C8orf88: variants seen among roughly 807,000 people sequenced by gnomAD.
C8orf88 encodes the protein uncharacterized protein C8orf88.
Under a neutral mutation model 18.4 loss-of-function variants are expected in C8orf88, and 14 were observed. That is an observed-to-expected ratio of 0.76 (90% CI 0.50 to 1.19). The LOEUF is 1.19. C8orf88 is among the 50% of genes most tolerant of loss of function. The pLI, the probability that C8orf88 is intolerant of heterozygous loss-of-function variation, is 0.00. For synonymous variants in C8orf88, 45 were observed against 42.9 expected (o/e 1.05, Z -0.19); for missense variants, 116 against 134.7 (o/e 0.86, Z 0.69).
At chr8:90,979,239 T>C (rs1811396750) in intron 2 of C8orf88, among the ~76,000 whole-genome samples, 2 of 152,320 alleles carry the variant, frequency 1.3e-5, no homozygotes, top group South Asian at 2.1e-4. Context: ...CATTCTTCCA[T>C]GTAACAACCT....
intron 4 of C8orf88, among the ~76,000 whole-genome samples, chr8:90,967,136 CGTGTT>C (rs371957753): frequency 4.9e-4 from 74 of 151,782 alleles, no homozygotes; most frequent in African/African-American, 1.6e-3. Flanking sequence ...TTCTTGATGG[CGTGTT>C]GTGTTTTGTC....
chr8:90,979,042 G>A (rs571238825), intron 2 of C8orf88, among the ~76,000 whole-genome samples: 50 of 152,286 alleles, frequency 3.3e-4, no homozygotes, highest in African/African-American at 8.7e-4. Context: ...AAAAGAAAAC[G>A]TAGTGATTCC....
At chr8:90,966,218 T>C (rs111331620) in intron 4 of C8orf88, among the ~76,000 whole-genome samples, 3,828 of 151,174 alleles carry the variant, frequency 0.025, 176 homozygotes, top group African/African-American at 0.088. Flanking sequence ...ATGGATGAAA[T>C]TGGAAATCGT....
intron 2 of C8orf88, among the ~76,000 whole-genome samples, chr8:90,979,576 G>C (rs1448638356): frequency 6.6e-6 from 1 of 152,084 alleles, no homozygotes; most frequent in Admixed American, 6.5e-5. Flanking sequence ...GACAGAAACT[G>C]GTGCCACTTC....
chr8:90,979,530 T>A (rs1351800307), intron 2 of C8orf88, among the ~76,000 whole-genome samples: 1 of 152,212 alleles, frequency 6.6e-6, no homozygotes, highest in East Asian at 1.9e-4. Flanking sequence ...ATTATCATCT[T>A]CCTTGAAGGA....
chr8:90,973,694 G>A (rs1009960226), intron 3 of C8orf88, among the ~76,000 whole-genome samples: 4 of 151,932 alleles, frequency 2.6e-5, no homozygotes, highest in Non-Finnish European at 5.9e-5. Flanking sequence ...ACATTGCCCA[G>A]GCTGGTCTCA....
intron 3 of C8orf88, among the ~76,000 whole-genome samples, chr8:90,974,383 A>T (rs1221197719): frequency 6.6e-6 from 1 of 152,164 alleles, no homozygotes; most frequent in East Asian, 1.9e-4. Context: ...TCCAGTTCAT[A>T]GTACCAGCTG....
chr8:90,981,820 T>A (rs1811439034), intron 1 of C8orf88, among the ~76,000 whole-genome samples: 1 of 152,164 alleles, frequency 6.6e-6, no homozygotes, highest in Admixed American at 6.5e-5. Flanking sequence ...CAAATTTTGA[T>A]GCCCATCAAG....
At chr8:90,968,657 C>T (rs1586161881) in intron 4 of C8orf88, among the ~76,000 whole-genome samples, 16 of 72,764 alleles carry the variant, frequency 2.2e-4, no homozygotes, top group South Asian at 1.2e-3. Flanking sequence ...GAAAAGACAA[C>T]ATATATATAT....
At chr8:90,963,297 A>C (rs1253737555) in intron 4 of C8orf88, among the ~76,000 whole-genome samples, 2 of 151,736 alleles carry the variant, frequency 1.3e-5, no homozygotes, top group South Asian at 4.1e-4. Flanking sequence ...AAAGTCACTA[A>C]GCTAACAACA....
intron 5 of C8orf88, among the ~76,000 whole-genome samples, chr8:90,960,432 T>C (rs1811108930): frequency 3.3e-5 from 5 of 151,388 alleles, no homozygotes. Flanking sequence ...CCTCACATCA[T>C]AGAGTAAAAT....
chr8:90,962,652 T>C (rs891062807), intron 4 of C8orf88, among the ~76,000 whole-genome samples: 4 of 151,626 alleles, frequency 2.6e-5, no homozygotes, highest in Non-Finnish European at 4.4e-5. Flanking sequence ...TTCCCAGAAC[T>C]GGAGGGAGTA....
At chr8:90,978,336 A>G (rs1352731444) in intron 3 of C8orf88, among the ~76,000 whole-genome samples, 3 of 152,234 alleles carry the variant, frequency 2.0e-5, no homozygotes, top group Non-Finnish European at 4.4e-5. Context: ...GTAGAAGCAT[A>G]TATATAGAGT....
At chr8:90,960,896 C>G (rs747852059) in intron 4 of C8orf88, 48 bp from the exon 5 acceptor site, 1 of 1,099,336 alleles carries the variant, frequency 9.1e-7, no homozygotes, top group South Asian at 1.4e-5. Context: ...GTAGGGCTGT[C>G]TAGATCACTT....
chr8:90,976,731 A>G (rs1811356889), intron 3 of C8orf88, among the ~76,000 whole-genome samples: 1 of 152,126 alleles, frequency 6.6e-6, no homozygotes. Flanking sequence ...GAATTATTCA[A>G]TAAATTATGC....
At chr8:90,969,125 G>C (rs574416249) in intron 4 of C8orf88, among the ~76,000 whole-genome samples, 70 of 151,846 alleles carry the variant, frequency 4.6e-4, no homozygotes, top group African/African-American at 1.7e-3. Flanking sequence ...GTATATGCCT[G>C]AGAGAAATGA....
intron 1 of C8orf88, among the ~76,000 whole-genome samples, chr8:90,983,056 G>C (rs551080770): frequency 7.9e-5 from 12 of 152,128 alleles, no homozygotes; most frequent in Middle Eastern, 3.4e-3. Context: ...TTCATCCATG[G>C]AATGTAGAGA....
intron 4 of C8orf88, among the ~76,000 whole-genome samples, chr8:90,966,760 T>C (rs1476294431): frequency 2.0e-5 from 3 of 151,846 alleles, no homozygotes; most frequent in Admixed American, 6.6e-5. Context: ...TATACACAGA[T>C]GCTTCTCAAC....
intron 1 of C8orf88, among the ~76,000 whole-genome samples, chr8:90,981,173 A>G (rs1811430456): frequency 6.6e-6 from 1 of 152,144 alleles, no homozygotes; most frequent in Non-Finnish European, 1.5e-5. Flanking sequence ...AATTCAACAT[A>G]TCTAAAATCT....
Sources: allele counts gnomAD v4.1 joint callset (sites outside exome capture counted in the v4.1 genomes callset), GRCh38; gene constraint gnomAD v4.1.1; transcripts MANE v1.5; gene names NCBI Gene and HGNC (gene_info 2026-07-23, HGNC 2026-07-21).